The following CNTN4 variants were observed in gnomAD, a reference collection of about 807,000 sequenced individuals.
CNTN4 encodes the protein contactin-4.
Under a neutral mutation model 122.5 loss-of-function variants are expected in CNTN4, and 77 were observed. The observed-to-expected ratio is 0.63, with a 90% CI of 0.52 to 0.76. The LOEUF (loss-of-function observed/expected upper bound fraction) is 0.76. Among genes scored for constraint, CNTN4 ranks in the 30% least tolerant of loss-of-function variants. The pLI, the probability that CNTN4 is intolerant of heterozygous loss-of-function variation, is 0.00. For missense variants in CNTN4, 1,256 were observed against 1,259.1 expected (o/e 1.00, Z 0.04); for synonymous variants, 512 against 447.0 (o/e 1.15, Z -1.83).
At chr3:2,427,322 G>A (rs555571203) in intron 3 of CNTN4, among the ~76,000 whole-genome samples, 3 of 152,134 alleles carry the variant, frequency 2.0e-5, no homozygotes, top group East Asian at 1.9e-4. Context: ...CCTTCATTTC[G>A]TTATGTACCC....
chr3:2,731,122 CTA>C (rs1031314494), intron 4 of CNTN4, among the ~76,000 whole-genome samples: 2 of 151,446 alleles, frequency 1.3e-5, no homozygotes, highest in Non-Finnish European at 2.9e-5. Context: ...ATGGAAAATT[CTA>C]TGATTCTGTG....
chr3:2,298,401 C>G (rs2042387585), intron 2 of CNTN4, among the ~76,000 whole-genome samples: 1 of 152,076 alleles, frequency 6.6e-6, no homozygotes, highest in Non-Finnish European at 1.5e-5. Flanking sequence ...TTTTGCTCTA[C>G]TTATCAAATT....
At chr3:2,230,847 G>A (rs71309878) in intron 2 of CNTN4, among the ~76,000 whole-genome samples, 8,015 of 152,070 alleles carry the variant, frequency 0.053, 284 homozygotes, top group Non-Finnish European at 0.079. Flanking sequence ...ATTGGCTTGA[G>A]CATGGTGGTG....
In CNTN4 at chr3:2,840,623, C is replaced by T. The variant is rs1431017485; in HGVS notation, c.454+21042C>T. 8.4e-4 allele frequency among the ~76,000 whole-genome samples: 110 copies of T among 130,520 alleles called. 3 individuals carry two copies. In the South Asian group the frequency reaches 0.023, roughly 27 times the overall value. The allele number at this position is 130,520 out of a possible 152,430, so 85.6% of individuals were successfully genotyped here. A position where few individuals can be genotyped will look rare whatever the true frequency, so the allele number is the denominator to read the frequency against. ...CTGAGGCGGGAGAATGGCGGGAACCCGGGAGGCGGAGCTTGCAGTGAGCCA... is the reference window on the plus strand; with the variant it reads ...CTGAGGCGGGAGAATGGCGGGAACCTGGGAGGCGGAGCTTGCAGTGAGCCA... On this transcript the variant is annotated intron_variant, in intron 7 of 24. Coordinates refer to ENST00000418658, the MANE Select transcript of CNTN4 (RefSeq NM_175607.3).
intron 14 of CNTN4, among the ~76,000 whole-genome samples, chr3:2,990,051 G>A (rs1694922019): frequency 6.6e-6 from 1 of 152,232 alleles, no homozygotes; most frequent in Non-Finnish European, 1.5e-5. Context: ...CACTTAGCCT[G>A]TGTGGGGATA....
At chr3:2,110,445 T>C (rs560022477) in intron 2 of CNTN4, 11 of 148,342 alleles carry the variant, frequency 7.4e-5, no homozygotes, top group African/African-American at 2.7e-4. Flanking sequence ...TGTTCATTGT[T>C]TCAACATTCT....
chr3:2,717,924 G>T (rs2063893), intron 4 of CNTN4, among the ~76,000 whole-genome samples: 46,944 of 151,808 alleles, frequency 0.31, 7,995 homozygotes, highest in East Asian at 0.56. Flanking sequence ...ATAATGTGGA[G>T]CATCTTTTCA....
At chr3:2,302,171 C>T (rs1198876697) in intron 2 of CNTN4, among the ~76,000 whole-genome samples, 1 of 152,194 alleles carries the variant, frequency 6.6e-6, no homozygotes, top group African/African-American at 2.4e-5. Flanking sequence ...TGGCTCATGC[C>T]TGTAATCCCA....
At chr3:2,548,464 C>G (rs2149343678) in intron 3 of CNTN4, among the ~76,000 whole-genome samples, 1 of 152,024 alleles carries the variant, frequency 6.6e-6, no homozygotes, top group South Asian at 2.1e-4. Flanking sequence ...TTGTCAGGTT[C>G]TTCAAAGATC....
At chr3:2,588,358 T>TTTTG (rs377275571) in intron 4 of CNTN4, among the ~76,000 whole-genome samples, 10 of 151,796 alleles carry the variant, frequency 6.6e-5, no homozygotes, top group Non-Finnish European at 8.8e-5. Flanking sequence ...GTGAGTTAGG[T>TTTTG]TTTGTTTGTT....
At chr3:2,659,864 C>T (rs1468674866) in intron 4 of CNTN4, among the ~76,000 whole-genome samples, 1 of 152,182 alleles carries the variant, frequency 6.6e-6, no homozygotes, top group Non-Finnish European at 1.5e-5. Context: ...AACCCAATAA[C>T]ATGTAAATTT....
chr3:2,532,952 C>G (rs1313739149), intron 3 of CNTN4, among the ~76,000 whole-genome samples: 1 of 152,036 alleles, frequency 6.6e-6, no homozygotes, highest in African/African-American at 2.4e-5. Context: ...GGGCTGCTAA[C>G]AGAGCAGCAT....
At chr3:2,321,057 G>A (rs1160983105) in intron 2 of CNTN4, among the ~76,000 whole-genome samples, 2 of 152,096 alleles carry the variant, frequency 1.3e-5, no homozygotes, top group African/African-American at 4.8e-5. Flanking sequence ...TTGGGTGGCT[G>A]AATTCTCAGA....
chr3:2,474,240 T>C (rs971682027), intron 3 of CNTN4, among the ~76,000 whole-genome samples: 11 of 152,166 alleles, frequency 7.2e-5, no homozygotes, highest in African/African-American at 2.7e-4. Context: ...TTTTAGTCTC[T>C]ACCCTCCACC....
intron 7 of CNTN4, among the ~76,000 whole-genome samples, chr3:2,825,877 T>A (rs1196826707): frequency 2.0e-5 from 3 of 152,236 alleles, no homozygotes; most frequent in Non-Finnish European, 2.9e-5. Flanking sequence ...TCTTTAGATT[T>A]TTCTTTTACA....
At chr3:2,782,885 G>A (rs1030295679) in intron 6 of CNTN4, among the ~76,000 whole-genome samples, 18 of 152,146 alleles carry the variant, frequency 1.2e-4, no homozygotes, top group African/African-American at 4.1e-4. Flanking sequence ...TGAGTAACCC[G>A]GAATGAGTTT....
intron 13 of CNTN4, among the ~76,000 whole-genome samples, chr3:2,940,711 G>C (rs1439376994): frequency 6.8e-6 from 1 of 147,684 alleles, no homozygotes; most frequent in Non-Finnish European, 1.5e-5. Flanking sequence ...AAGAGAAGAT[G>C]AGTAAAGTCT....
At chr3:2,387,620 A>G (rs35415085) in intron 3 of CNTN4, among the ~76,000 whole-genome samples, 25,085 of 152,196 alleles carry the variant, frequency 0.16, 2,548 homozygotes, top group Middle Eastern at 0.26. Flanking sequence ...TATAAGGAAT[A>G]TAATGATCAT....
At chr3:2,499,195 A>G (rs1269873655) in intron 3 of CNTN4, among the ~76,000 whole-genome samples, 2 of 152,178 alleles carry the variant, frequency 1.3e-5, no homozygotes, top group Non-Finnish European at 2.9e-5. Context: ...ATTTAAGTCC[A>G]TGATCTATTT....
Sources: allele counts gnomAD v4.1 joint callset (sites outside exome capture counted in the v4.1 genomes callset), GRCh38; gene constraint gnomAD v4.1.1; transcripts MANE v1.5; gene names NCBI Gene and HGNC (gene_info 2026-07-23, HGNC 2026-07-21).